The following TMEM214 variants were observed in gnomAD, a reference collection of about 807,000 sequenced individuals.
TMEM214 encodes transmembrane protein 214.
Under a neutral mutation model 89.8 loss-of-function variants are expected in TMEM214, and 71 were observed. The ratio of observed to expected loss-of-function variants is 0.79; its 90% CI spans 0.65 to 0.96. TMEM214 has a LOEUF of 0.96. Among genes scored for constraint, TMEM214 ranks in the 40% least tolerant of loss-of-function variants. TMEM214 has a pLI of 0.00. For synonymous variants in TMEM214, 332 were observed against 349.5 expected, an observed-to-expected ratio of 0.95 and a Z score of 0.56; for missense variants, 754 against 843.4, an observed-to-expected ratio of 0.89 and a Z score of 1.31.
At chr2:27,034,486 A>G (rs1358676480) in intron 2 of TMEM214, 1 of 568,442 alleles carries the variant, frequency 1.8e-6, no homozygotes, top group Non-Finnish European at 3.1e-6. Flanking sequence ...TGGATTGGTA[A>G]GAGGAAAGCC....
At position 27,036,572 on chromosome 2, in the gene TMEM214, A is replaced by G. The variant is rs1036967825; in HGVS notation, c.806A>G (p.Asn269Ser). ...GCCCTGGGTCAAGCAGGTTTTGCCA[A>G]CCTCACCGAGGGACTGAAAGGTAAC... ...MWALGQAGFA[N>S]LTEGLKVWLG... Residue 269 changes from asparagine (N) to serine (S), a missense_variant, in exon 6 of 17, where the codon AAC (asparagine) becomes AGC (serine). Transcript: ENST00000238788. 4 of 1,614,002 alleles carry G rather than the reference A, an allele frequency of 2.5e-6. No homozygotes were observed. In the Admixed American group the frequency reaches 6.7e-5, roughly 27 times the overall value.
Position 27,038,595 on chromosome 2 carries a change from C to T in TMEM214, c.1293+63C>T. 1 of 1,607,776 alleles carries T rather than the reference C, an allele frequency of 6.2e-7. No homozygotes were observed. The highest frequency in any genetic ancestry group is 8.5e-7 in the Non-Finnish European group (1 of 1,175,050). On this transcript the variant is annotated intron_variant, in intron 11 of 16. Coordinates refer to ENST00000238788, the MANE Select transcript of TMEM214 (RefSeq NM_017727.5). This position sits in a 1 kb window ranked among gnomAD's most constrained non-coding sequence, Gnocchi z 4.4. Reference sequence around the variant, plus strand: ...CTGGATTCTAGGTTCTGAGTGGGGGCTCCTCAGCCACTGTCCCTTCCCTGA... The same window carrying T: ...CTGGATTCTAGGTTCTGAGTGGGGGTTCCTCAGCCACTGTCCCTTCCCTGA...
Position 27,036,115 on chromosome 2 carries a change from A to G in TMEM214, c.720+63A>G. 3.3e-6 allele frequency: 5 copies of G among 1,506,740 alleles called. No individual in the cohort carries two copies. The Admixed American group carries it at 5.3e-5, about 16-fold the overall frequency. The allele number at this position is 1,506,740 out of a possible 1,614,324, so 93.3% of individuals were successfully genotyped here. On this transcript the variant is annotated intron_variant, in intron 5 of 16. Coordinates refer to ENST00000238788, the MANE Select transcript of TMEM214 (RefSeq NM_017727.5). ...GGACTGGGGAGGCTGGGCAGAATCTATGTTGTTGGACTCAGGTTTGGGATA... is the reference window on the plus strand; with the variant it reads ...GGACTGGGGAGGCTGGGCAGAATCTGTGTTGTTGGACTCAGGTTTGGGATA...
intron 13 of TMEM214, 188 bp from the exon 14 acceptor site, chr2:27,039,553 T>C: frequency 1.6e-6 from 1 of 627,380 alleles, no homozygotes; most frequent in East Asian, 2.7e-5. Flanking sequence ...CCTGCACACC[T>C]GGCCCAGCAG....
In TMEM214 at chr2:27,036,779, C is replaced by T; in HGVS notation, c.901C>T (p.Leu301=). ...CTTTGCCATCACATACCTGGATCGG[C>T]TGCTCCTGTGAGTAATGGGAGGGCA... The part of the protein sequence containing the change: ...SPFAITYLDR[L]LLMHPNLTKG... The change falls in exon 7 of 17, where the codon CTG becomes TTG. Residue 301 remains leucine (L), a synonymous_variant. Coordinates refer to ENST00000238788, the MANE Select transcript of TMEM214 (RefSeq NM_017727.5). 1.9e-6 allele frequency: 3 copies of T among 1,614,076 alleles called. No individual in the cohort carries two copies. The highest frequency in any genetic ancestry group is 2.5e-6 in the Non-Finnish European group (3 of 1,180,020).
chr2:27,036,593 G>C lies in TMEM214; in HGVS notation c.826+1G>C. On this transcript the variant is annotated splice_donor_variant, in intron 6 of 16. Transcript: ENST00000238788. LOFTEE classifies it high-confidence loss of function. ...GCCAACCTCACCGAGGGACTGAAAG[G>C]TAACAGGGAAATAGGGAAGAAAGAG... is the stretch of plus-strand genomic sequence containing the variant. 1 of 1,614,098 alleles carries C rather than the reference G, an allele frequency of 6.2e-7. No individual in the cohort carries two copies. Among genetic ancestry groups the C allele is most frequent in the Non-Finnish European group, 8.5e-7 (1 of 1,179,950 alleles).
chr2:27,034,873 C>T (rs956681240), intron 2 of TMEM214, among the ~76,000 whole-genome samples: 1 of 152,132 alleles, frequency 6.6e-6, no homozygotes, highest in Non-Finnish European at 1.5e-5. Context: ...CGTGAGCCAC[C>T]GCGCCTGGCC....
rs1329608936 is a variant in TMEM214, at chr2:27,034,157, T to G, written c.242T>G (p.Val81Gly). 4 of 1,614,014 alleles carry G rather than the reference T, an allele frequency of 2.5e-6. No homozygotes were observed. In the Admixed American group the frequency reaches 6.7e-5, roughly 27 times the overall value. The part of the protein sequence containing the change: ...QNKEQVPPPA[V>G]EPKKPGNKKQ... ...AAGGAGCAGGTCCCACCCCCTGCTG[T>G]GGAACCTAAGAAACCAGGGAACAAG... The change falls in exon 2 of 17, where the codon GTG (valine) becomes GGG (glycine). Residue 81 changes from valine (V) to glycine (G), a missense_variant. Coordinates refer to ENST00000238788, the MANE Select transcript of TMEM214 (RefSeq NM_017727.5).
intron 9 of TMEM214, 100 bp downstream of exon 9, chr2:27,037,802 G>A: frequency 6.2e-7 from 1 of 1,610,204 alleles, no homozygotes; most frequent in Non-Finnish European, 8.5e-7. Context: ...CCCATTCTGA[G>A]GCTTTTCCTT....
chr2:27,036,420 C>A, intron 5 of TMEM214, 67 bp from the exon 6 acceptor site: 1 of 1,344,558 alleles, frequency 7.4e-7, no homozygotes, highest in Non-Finnish European at 1.1e-6. Flanking sequence ...CCCTTCCCTC[C>A]TGGCTTTGGG....
intron 8 of TMEM214, 56 bp from the exon 9 acceptor site, chr2:27,037,505 A>T: frequency 6.2e-7 from 1 of 1,611,302 alleles, no homozygotes; most frequent in Non-Finnish European, 8.5e-7. Flanking sequence ...CAAAAGGTTC[A>T]TATCATACAG....
Position 27,038,957 on chromosome 2 carries a change from C to G in TMEM214, c.1408-90C>G. On this transcript the variant is annotated intron_variant, in intron 12 of 16. Coordinates refer to ENST00000238788, the MANE Select transcript of TMEM214 (RefSeq NM_017727.5). This position sits in a 1 kb window ranked among gnomAD's most constrained non-coding sequence, Gnocchi z 4.4. ...CAGGATAATGTGAAGGCTTGACGCT[C>G]TTTCGGGAAGGCCTGGCTTGAGGTC... 6.6e-7 allele frequency: 1 copy of G among 1,504,660 alleles called. No individual in the cohort carries two copies. Among genetic ancestry groups the G allele is most frequent in the Non-Finnish European group, 9.2e-7 (1 of 1,086,800 alleles). 93.2% of individuals were successfully genotyped at this position (1,504,660 alleles called of 1,614,324 possible).
intron 2 of TMEM214, 106 bp from the exon 3 acceptor site, chr2:27,035,029 C>T: frequency 1.5e-6 from 2 of 1,296,216 alleles, no homozygotes; most frequent in Non-Finnish European, 2.2e-6. Flanking sequence ...GGAATCCCTT[C>T]TTCCTACTGC....
intron 8 of TMEM214, 57 bp from the exon 9 acceptor site, chr2:27,037,504 C>T (rs1667616076): frequency 7.5e-6 from 12 of 1,609,282 alleles, no homozygotes; most frequent in Non-Finnish European, 1.0e-5. Context: ...GCAAAAGGTT[C>T]ATATCATACA....
Position 27,040,949 on chromosome 2 carries a change from T to C in TMEM214, c.*112T>C, listed in dbSNP as rs1667810815. On this transcript the variant is annotated 3_prime_UTR_variant, in exon 17 of 17. Transcript: ENST00000238788. ...TTTTTAACTTGGTGCCTGAGTTCTC[T>C]CCTAGGCAAGTGGCCAGTTGCCTCC... 36 of 1,415,924 alleles carry C rather than the reference T, an allele frequency of 2.5e-5. No individual in the cohort carries two copies. In the East Asian group the frequency reaches 8.4e-4, roughly 33 times the overall value. The allele number at this position is 1,415,924 out of a possible 1,614,324, so 87.7% of individuals were successfully genotyped here. A position where few individuals can be genotyped will look rare whatever the true frequency, so the allele number is the denominator to read the frequency against.
Position 27,036,009 on chromosome 2 carries a change from TC to T in TMEM214, c.679del (p.Leu227CysfsTer12). The T allele has an allele frequency of 6.2e-7, 1 of 1,614,164 alleles. No individual in the cohort carries two copies. The highest frequency in any genetic ancestry group is 8.5e-7 in the Non-Finnish European group (1 of 1,180,034). ...LHGYRICIQA[I>X]LQDKPKIATA... ...GGTTACCGCATCTGTATCCAGGCCATCCTGCAAGACAAGCCCAAGATTGCCA... is the reference window on the plus strand; with the variant it reads ...GGTTACCGCATCTGTATCCAGGCCATCTGCAAGACAAGCCCAAGATTGCCA... On this transcript the variant is annotated frameshift_variant, in exon 5 of 17. Coordinates refer to ENST00000238788, the MANE Select transcript of TMEM214 (RefSeq NM_017727.5). LOFTEE classifies it high-confidence loss of function.
chr2:27,038,567 T>G lies in TMEM214; in HGVS notation c.1293+35T>G. On this transcript the variant is annotated intron_variant, in intron 11 of 16. Transcript: ENST00000238788. This position sits in a 1 kb window ranked among gnomAD's most constrained non-coding sequence, Gnocchi z 4.4. ...TGGGAGGACGTGGCAGGTTGAGCCC[T>G]GTCTGGATTCTAGGTTCTGAGTGGG... 1 of 1,613,526 alleles carries G rather than the reference T, an allele frequency of 6.2e-7. No individual in the cohort carries two copies. The highest frequency in any genetic ancestry group is 8.5e-7 in the Non-Finnish European group (1 of 1,179,688).
intron 2 of TMEM214, 200 bp downstream of exon 2, chr2:27,034,466 T>C (rs529975978): frequency 1.6e-5 from 10 of 608,272 alleles, no homozygotes; most frequent in African/African-American, 1.3e-4. Flanking sequence ...GGAAAATTTA[T>C]AGGGAAACAT....
chr2:27,039,116 G>T lies in TMEM214; in HGVS notation c.1477G>T (p.Ala493Ser), dbSNP rs373884614. 5.0e-6 allele frequency: 8 copies of T among 1,613,852 alleles called. No homozygotes were observed. Among genetic ancestry groups the T allele is most frequent in the Admixed American group, 1.7e-5 (1 of 60,028 alleles). The change falls in exon 13 of 17, where the codon GCT (alanine) becomes TCT (serine). Residue 493 changes from alanine (A) to serine (S), a missense_variant. Ala to Ser is a moderately conservative substitution (Grantham distance 99). Transcript: ENST00000238788. ...GCTCCTCCTGTTGCTGCTGGTCTTC[G>T]CTGTAGGCTTCCTGTGCCATGACCT... The part of the protein sequence containing the change: ...TRLLLLLLVF[A>S]VGFLCHDLRS...
Sources: gnomAD v4.1 joint callset for allele counts (sites outside exome capture counted in the v4.1 genomes callset) on GRCh38, gnomAD v4.1.1 for gene constraint, Gnocchi (gnomAD v3.1) non-coding constraint, MANE v1.5 for transcripts, NCBI Gene and HGNC (gene_info 2026-07-23, HGNC 2026-07-21) for gene names.